LIM2: variants seen among roughly 807,000 people sequenced by gnomAD.
LIM2 encodes lens fiber membrane intrinsic protein.
Under a neutral mutation model 19.0 loss-of-function variants are expected in LIM2, and 14 were observed. The ratio of observed to expected loss-of-function variants is 0.74; its 90% CI spans 0.49 to 1.15. The LOEUF (loss-of-function observed/expected upper bound fraction) is 1.15, where lower values mean the gene tolerates loss of function less well. Ranked by LOEUF, LIM2 falls within the 50% of genes most tolerant of loss-of-function variation. The pLI, the probability that LIM2 is intolerant of heterozygous loss-of-function variation, is 0.00. For missense variants in LIM2, 230 were observed against 243.5 expected, an observed-to-expected ratio of 0.94 and a Z score of 0.37; for synonymous variants, 78 against 89.6, an observed-to-expected ratio of 0.87 and a Z score of 0.73.
At chr19:51,381,843 A>G (rs1036786656) in intron 3 of LIM2, among the ~76,000 whole-genome samples, 10 of 152,144 alleles carry the variant, frequency 6.6e-5, no homozygotes, top group African/African-American at 2.2e-4. Context: ...CTCCTGCCTC[A>G]GCCTCCCAAG....
At chr19:51,384,472 A>G (rs545389547) in intron 2 of LIM2, among the ~76,000 whole-genome samples, 9 of 152,294 alleles carry the variant, frequency 5.9e-5, no homozygotes, top group African/African-American at 2.2e-4. Flanking sequence ...CCGTCCTTAT[A>G]AAAAGAGGAA....
intron 3 of LIM2, 46 bp downstream of exon 3, chr19:51,382,372 G>A (rs1029118967): frequency 1.2e-5 from 19 of 1,608,548 alleles, no homozygotes; most frequent in Non-Finnish European, 1.5e-5. Context: ...ATTGGGGTTT[G>A]AGATGAGAGC....
intron 3 of LIM2, 101 bp downstream of exon 3, chr19:51,382,317 T>G (rs1986915412): frequency 7.4e-7 from 1 of 1,358,142 alleles, no homozygotes; most frequent in Non-Finnish European, 1.0e-6. Context: ...GGGTTGAGTG[T>G]GAGGAGGAGT....
At position 51,382,514 on chromosome 19, in the gene LIM2, A is replaced by G. The variant is rs1161566604; in HGVS notation, c.229T>C (p.Ser77Pro). Residue 77 changes from serine to proline, a missense_variant, in exon 3 of 5, where the codon TCC becomes CCC. Transcript: ENST00000596399. ...GCCATGATGCCCATGATGATGCCGG[A>G]GATGGCGCATAGGGCAGACAGGATC... ...FMILSALCAI[S>P]GIIMGIMAFA... is the part of the protein sequence containing the mutation. The G allele has an allele frequency of 6.2e-7, 1 of 1,613,938 alleles. No homozygotes were observed. Among genetic ancestry groups the G allele is most frequent in the Non-Finnish European group, 8.5e-7 (1 of 1,179,918 alleles).
intron 2 of LIM2, among the ~76,000 whole-genome samples, chr19:51,384,001 T>G (rs1986967465): frequency 6.6e-6 from 1 of 152,240 alleles, no homozygotes; most frequent in Admixed American, 6.5e-5. Context: ...GGGTTATGCC[T>G]TTCTGTCCCC....
Position 51,387,303 on chromosome 19 carries a change from C to G in LIM2, c.141G>C (p.Leu47=), listed in dbSNP as rs1987093521. Reference sequence around the variant, plus strand: ...CTGTCTGCAGGTAGCACTTGTTGCCCAGGCAGTACCGCCACAGGCCCTGGT... The same window carrying G: ...CTGTCTGCAGGTAGCACTTGTTGCCGAGGCAGTACCGCCACAGGCCCTGGT... ...FAHQGLWRYC[L]GNKCYLQTDS... The change falls in exon 2 of 5, where the codon CTG becomes CTC. Residue 47 remains leucine (L), a synonymous_variant. Coordinates refer to ENST00000596399, the MANE Select transcript of LIM2 (RefSeq NM_001161748.2). The G allele has an allele frequency of 3.7e-6, 6 of 1,614,138 alleles. No individual in the cohort carries two copies. In the East Asian group the frequency reaches 1.3e-4, roughly 36 times the overall value.
At chr19:51,384,890 T>G (rs981791980) in intron 2 of LIM2, among the ~76,000 whole-genome samples, 1 of 152,014 alleles carries the variant, frequency 6.6e-6, no homozygotes, top group Admixed American at 6.6e-5. Flanking sequence ...TGAGACAGGG[T>G]CTTGCTCTGT....
intron 3 of LIM2, among the ~76,000 whole-genome samples, chr19:51,381,271 T>C (rs1453173850): frequency 3.3e-5 from 5 of 151,918 alleles, no homozygotes; most frequent in African/African-American, 1.2e-4. Flanking sequence ...TGCAGTGAGC[T>C]GAGATCGAGC....
At chr19:51,381,182 G>A (rs1986884120) in intron 3 of LIM2, among the ~76,000 whole-genome samples, 1 of 152,110 alleles carries the variant, frequency 6.6e-6, no homozygotes, top group Non-Finnish European at 1.5e-5. Context: ...GCTGGGTGTG[G>A]TGGTGGGTGC....
chr19:51,380,040 C>G lies in LIM2; in HGVS notation c.*161G>C. 1.4e-6 allele frequency: 1 copy of G among 690,734 alleles called. No individual in the cohort carries two copies. Among genetic ancestry groups the G allele is most frequent in the South Asian group, 1.7e-5 (1 of 59,418 alleles). The allele number at this position is 690,734 out of a possible 1,614,324, so 42.8% of individuals were successfully genotyped here. On this transcript the variant is annotated 3_prime_UTR_variant, in exon 5 of 5. Coordinates refer to ENST00000596399, the MANE Select transcript of LIM2 (RefSeq NM_001161748.2). ...CCCATGGGCCCTATTCTTCCTCCTT[C>G]CAGCCTAGGACCAGGAGTCAGCCTC...
At position 51,380,136 on chromosome 19, in the gene LIM2, CCCT is replaced by C. The variant is rs1986853189; in HGVS notation, c.*62_*64del. On this transcript the variant is annotated 3_prime_UTR_variant, in exon 5 of 5. Coordinates refer to ENST00000596399, the MANE Select transcript of LIM2 (RefSeq NM_001161748.2). ...GGAACCAGGATTTCAGGCCTCTAGACCCTCCTCCTCCTCTTCAGTGGCCTCACT... is the reference window on the plus strand; with the variant it reads ...GGAACCAGGATTTCAGGCCTCTAGACCCTCCTCCTCTTCAGTGGCCTCACT... 1.5e-5 allele frequency: 22 copies of C among 1,485,058 alleles called. No homozygotes were observed. Among genetic ancestry groups the C allele is most frequent in the Non-Finnish European group, 1.6e-5 (17 of 1,069,612 alleles). The allele number at this position is 1,485,058 out of a possible 1,614,324, so 92.0% of individuals were successfully genotyped here. A position where few individuals can be genotyped will look rare whatever the true frequency, so the allele number is the denominator to read the frequency against.
At chr19:51,384,423 T>TC (rs1410146078) in intron 2 of LIM2, among the ~76,000 whole-genome samples, 3 of 152,020 alleles carry the variant, frequency 2.0e-5, no homozygotes, top group African/African-American at 7.3e-5. Flanking sequence ...AGAGCGAGAC[T>TC]CCAACTCAAA....
At chr19:51,383,394 T>C (rs1474141523) in intron 2 of LIM2, among the ~76,000 whole-genome samples, 1 of 152,218 alleles carries the variant, frequency 6.6e-6, no homozygotes, top group Non-Finnish European at 1.5e-5. Flanking sequence ...TTTACTTGTT[T>C]TTAACTTATT....
At chr19:51,387,196 A>G in intron 2 of LIM2, 73 bp downstream of exon 2, 1 of 1,614,172 alleles carries the variant, frequency 6.2e-7, no homozygotes. Flanking sequence ...TCTGGAATAC[A>G]GGTGTCCTTG....
At chr19:51,382,592 C>G in intron 2 of LIM2, 25 bp from the exon 3 acceptor site, 1 of 1,612,556 alleles carries the variant, frequency 6.2e-7, no homozygotes, top group Non-Finnish European at 8.5e-7. Flanking sequence ...CATGGTCATT[C>G]CCACACCTCC....
chr19:51,386,795 A>G (rs1042869865), intron 2 of LIM2, among the ~76,000 whole-genome samples: 1 of 151,444 alleles, frequency 6.6e-6, no homozygotes, highest in African/African-American at 2.4e-5. Flanking sequence ...TATAGTATAC[A>G]TTAACTTAAT....
chr19:51,382,318 G>C, intron 3 of LIM2, 100 bp downstream of exon 3: 1 of 1,388,382 alleles, frequency 7.2e-7, no homozygotes, highest in Non-Finnish European at 1.0e-6. Flanking sequence ...GGTTGAGTGT[G>C]AGGAGGAGTA....
intron 3 of LIM2, among the ~76,000 whole-genome samples, chr19:51,381,874 C>T (rs889831435): frequency 1.3e-5 from 2 of 152,128 alleles, no homozygotes; most frequent in Admixed American, 6.5e-5. Context: ...CACAGGCGCC[C>T]GACACCACGC....
chr19:51,385,610 T>G (rs1283209195), intron 2 of LIM2, among the ~76,000 whole-genome samples: 1 of 152,150 alleles, frequency 6.6e-6, no homozygotes, highest in African/African-American at 2.4e-5. Context: ...CTGGCAGAGA[T>G]AAGACAGAGA....
Sources: gnomAD v4.1 joint callset for allele counts (sites outside exome capture counted in the v4.1 genomes callset) on GRCh38, gnomAD v4.1.1 for gene constraint, MANE v1.5 for transcripts, NCBI Gene and HGNC (gene_info 2026-07-23, HGNC 2026-07-21) for gene names.